SORCS3: variants seen among roughly 807,000 people sequenced by gnomAD.
SORCS3 encodes VPS10 domain-containing receptor SorCS3.
In SORCS3, 57 loss-of-function variants were observed where a neutral mutation model predicts 146.3. That is an observed-to-expected ratio of 0.39 (90% confidence interval 0.31 to 0.49). SORCS3 has a LOEUF of 0.49. Among genes scored for constraint, SORCS3 ranks in the 20% least tolerant of loss-of-function variants. SORCS3 has a pLI of 0.92. For synonymous variants in SORCS3, 653 were observed against 618.5 expected (o/e 1.06, Z -0.83); for missense variants, 1,341 against 1,575.5 (o/e 0.85, Z 2.52).
Position 105,211,178 on chromosome 10 carries a change from C to A in SORCS3, c.2303C>A (p.Pro768Gln). 1 of 1,614,048 alleles carries A rather than the reference C, an allele frequency of 6.2e-7. No homozygotes were observed. The highest frequency in any genetic ancestry group is 8.5e-7 in the Non-Finnish European group (1 of 1,179,954). Residue 768 changes from proline to glutamine, a missense_variant, in exon 17 of 27, where the codon CCA becomes CAA. By Grantham distance (76) the Pro-to-Gln change is moderately conservative. Transcript: ENST00000369701. ...AGACATGGGGAGAGCCAGTGTGTCCCAGCTTTCTGGTACAATCCAGCATCC... is the reference window on the plus strand; with the variant it reads ...AGACATGGGGAGAGCCAGTGTGTCCAAGCTTTCTGGTACAATCCAGCATCC... ...YERHGESQCV[P>Q]AFWYNPASPS...
chr10:104,969,397 T>A (rs781064020), intron 3 of SORCS3, among the ~76,000 whole-genome samples: 8 of 151,494 alleles, frequency 5.3e-5, no homozygotes, highest in South Asian at 4.2e-4. Context: ...AGAGGAGTAA[T>A]AGGCAAGTTG....
intron 1 of SORCS3, among the ~76,000 whole-genome samples, chr10:104,795,122 T>C (rs2017540041): frequency 6.6e-6 from 1 of 152,150 alleles, no homozygotes; most frequent in Non-Finnish European, 1.5e-5. Flanking sequence ...GCCCTAACTA[T>C]AATATGAAGC....
intron 3 of SORCS3, among the ~76,000 whole-genome samples, chr10:104,964,810 T>C (rs1002515359): frequency 6.6e-6 from 1 of 152,170 alleles, no homozygotes; most frequent in Non-Finnish European, 1.5e-5. Context: ...ACGACCAATC[T>C]CCAAATTTCT....
At chr10:105,102,661 A>T (rs920704862) in intron 6 of SORCS3, among the ~76,000 whole-genome samples, 1 of 152,092 alleles carries the variant, frequency 6.6e-6, no homozygotes, top group African/African-American at 2.4e-5. Context: ...TGCATCCTGG[A>T]TCTAAAATAG....
chr10:105,064,331 G>T (rs1259103261), intron 5 of SORCS3, among the ~76,000 whole-genome samples: 1 of 152,202 alleles, frequency 6.6e-6, no homozygotes, highest in Non-Finnish European at 1.5e-5. Context: ...ATTAGTCAGG[G>T]CTCTCCAGAG....
chr10:104,795,393 T>C (rs2451464), intron 1 of SORCS3, among the ~76,000 whole-genome samples: 122,710 of 152,286 alleles, frequency 0.81, 49,833 homozygotes, highest in East Asian at 0.94. Context: ...TAGAATAAGT[T>C]AATCTTCCTT....
intron 11 of SORCS3, among the ~76,000 whole-genome samples, chr10:105,163,570 C>T (rs1726737522): frequency 6.6e-6 from 1 of 152,098 alleles, no homozygotes; most frequent in Non-Finnish European, 1.5e-5. Flanking sequence ...TATAGATGGA[C>T]TAGAAAAGCT....
At chr10:104,740,877 C>G (rs557937006) in intron 1 of SORCS3, among the ~76,000 whole-genome samples, 1 of 152,186 alleles carries the variant, frequency 6.6e-6, no homozygotes, top group East Asian at 1.9e-4. Context: ...TAAAGTTAAT[C>G]TTTCCATTAG....
At chr10:104,837,262 A>G (rs2018081351) in intron 1 of SORCS3, among the ~76,000 whole-genome samples, 1 of 152,226 alleles carries the variant, frequency 6.6e-6, no homozygotes, top group African/African-American at 2.4e-5. Flanking sequence ...TTATCCCAGT[A>G]TGACAGAAGC....
intron 9 of SORCS3, among the ~76,000 whole-genome samples, chr10:105,156,184 T>C (rs558768985): frequency 8.5e-5 from 13 of 152,342 alleles, no homozygotes; most frequent in Admixed American, 2.6e-4. Flanking sequence ...TGTTTATATA[T>C]ATTTAAACTA....
intron 3 of SORCS3, among the ~76,000 whole-genome samples, chr10:104,922,668 A>G (rs573386836): frequency 6.6e-6 from 1 of 152,352 alleles, no homozygotes; most frequent in East Asian, 1.9e-4. Context: ...AATATGAAAC[A>G]TCCGTGTTTT....
intron 4 of SORCS3, among the ~76,000 whole-genome samples, chr10:104,981,466 A>G (rs2054931103): frequency 6.6e-6 from 1 of 152,198 alleles, no homozygotes; most frequent in South Asian, 2.1e-4. Flanking sequence ...TTTGTCAGTT[A>G]TTTAAGTGGT....
intron 14 of SORCS3, among the ~76,000 whole-genome samples, chr10:105,180,164 G>A (rs2056434470): frequency 1.3e-5 from 2 of 152,216 alleles, no homozygotes; most frequent in African/African-American, 2.4e-5. Flanking sequence ...AGTGGTGAGA[G>A]TAAGTGGGGA....
intron 3 of SORCS3, among the ~76,000 whole-genome samples, chr10:104,943,179 GAGTGC>G (rs2019337445): frequency 6.6e-6 from 1 of 152,058 alleles, no homozygotes; most frequent in Non-Finnish European, 1.5e-5. Context: ...GCCCAGGCTG[GAGTGC>G]AGTGGTGCAT....
chr10:104,849,858 A>T (rs542205141), intron 2 of SORCS3, among the ~76,000 whole-genome samples: 1 of 152,194 alleles, frequency 6.6e-6, no homozygotes, highest in African/African-American at 2.4e-5. Flanking sequence ...TAGGCACATC[A>T]TGCCTGGAAA....
intron 4 of SORCS3, among the ~76,000 whole-genome samples, chr10:105,009,752 T>G (rs1356648722): frequency 6.6e-6 from 1 of 152,054 alleles, no homozygotes; most frequent in Non-Finnish European, 1.5e-5. Flanking sequence ...TTTTTTTTCA[T>G]TTTTTTCAAT....
At chr10:105,014,863 T>G (rs112608707) in intron 4 of SORCS3, among the ~76,000 whole-genome samples, 17 of 152,278 alleles carry the variant, frequency 1.1e-4, no homozygotes, top group Middle Eastern at 3.4e-3. Flanking sequence ...CTATGAACCA[T>G]CAAATGGGCC....
At chr10:104,688,349 C>T (rs1309522965) in intron 1 of SORCS3, among the ~76,000 whole-genome samples, 3 of 152,106 alleles carry the variant, frequency 2.0e-5, no homozygotes, top group Non-Finnish European at 4.4e-5. Flanking sequence ...GCAGAGGCTG[C>T]GTGTGTGGGG....
chr10:104,733,675 A>G (rs1189627528), intron 1 of SORCS3, among the ~76,000 whole-genome samples: 2 of 152,162 alleles, frequency 1.3e-5, no homozygotes, highest in Non-Finnish European at 2.9e-5. Context: ...ATGTGTTTAA[A>G]TAAAGCAGCT....
Sources: gnomAD v4.1 joint callset for allele counts (sites outside exome capture counted in the v4.1 genomes callset) on GRCh38, gnomAD v4.1.1 for gene constraint, MANE v1.5 for transcripts, NCBI Gene and HGNC (gene_info 2026-07-23, HGNC 2026-07-21) for gene names.